Variants in ZNF469 observed in about 807,000 individuals in gnomAD.
The protein encoded by ZNF469 is zinc finger protein 469.
A neutral mutation model predicts 1.0 loss-of-function variants in ZNF469; 1 was observed. That is an observed-to-expected ratio of 1.00 (90% CI 0.35 to 4.73). The LOEUF (loss-of-function observed/expected upper bound fraction) is 4.73. Ranked by LOEUF, ZNF469 falls within the 30% of genes most tolerant of loss-of-function variation. The pLI, the probability that ZNF469 is intolerant of heterozygous loss-of-function variation, is 0.16. For missense variants in ZNF469, 6,100 were observed against 5,356.3 expected (o/e 1.14, Z -4.33); for synonymous variants, 2,703 against 2,363.4 (o/e 1.14, Z -4.17).
At chr16:88,190,551 C>T in the ZNF469 span, among the ~76,000 whole-genome samples, 1 of 152,150 alleles carries the variant, frequency 6.6e-6, no homozygotes, top group Non-Finnish European at 1.5e-5. Flanking sequence ...ACAGCCACGT[C>T]CTCACAATGC....
the ZNF469 span, among the ~76,000 whole-genome samples, chr16:88,215,034 G>A: frequency 1.2e-4 from 18 of 152,118 alleles, no homozygotes; most frequent in Non-Finnish European, 1.5e-5. Context: ...AGTTCTTTTG[G>A]TTACTGTTTG....
At chr16:88,239,408 C>T in the ZNF469 span, among the ~76,000 whole-genome samples, 2 of 151,468 alleles carry the variant, frequency 1.3e-5, no homozygotes, top group African/African-American at 2.4e-5. Flanking sequence ...AGGATTCTTT[C>T]ATCTACTGCT....
the ZNF469 span, among the ~76,000 whole-genome samples, chr16:88,151,956 T>C: frequency 1.2e-3 from 187 of 152,346 alleles, 1 homozygote; most frequent in African/African-American, 3.7e-3. This position sits in a 1 kb window ranked among gnomAD's most constrained non-coding sequence, Gnocchi z 5.4. Context: ...GTGTAAAAGA[T>C]GTTTCTGCGG....
chr16:88,391,319 T>C (rs989873302), intron 1 of ZNF469, among the ~76,000 whole-genome samples: 2 of 152,252 alleles, frequency 1.3e-5, no homozygotes, highest in African/African-American at 4.8e-5. Context: ...TGCCACCTCT[T>C]GCTTGGCAGA....
At chr16:88,289,223 G>GGGT in the ZNF469 span, among the ~76,000 whole-genome samples, 1 of 115,322 alleles carries the variant, frequency 8.7e-6, no homozygotes, top group African/African-American at 4.5e-5. Context: ...GTGATGATGA[G>GGGT]GGTGATGATG....
At chr16:88,194,171 C>T in the ZNF469 span, 5 of 152,248 alleles carry the variant, frequency 3.3e-5, no homozygotes, top group African/African-American at 9.7e-5. Flanking sequence ...TTCCTACAGA[C>T]GAGAGACTGC....
At chr16:88,380,429 TCA>T (rs1415548343), upstream of ZNF469, among the ~76,000 whole-genome samples, 3 of 103,828 alleles carry the variant, frequency 2.9e-5, no homozygotes, top group South Asian at 3.4e-4. Flanking sequence ...ACAGATGCAT[TCA>T]CACATACACA....
At position 88,435,142 on chromosome 16, in the gene ZNF469, T is replaced by C. The variant is rs1906480017; in HGVS notation, c.7672T>C (p.Ser2558Pro). Residue 2558 changes from serine to proline, a missense_variant, in exon 3 of 3, where the codon TCA becomes CCA. Physicochemically the swap from Ser to Pro is moderately conservative, Grantham distance 74 (BLOSUM62 -1). Transcript: ENST00000565624. Reference protein sequence around the residue: ...HVTQPPPAQGSKEVLRAPGSP... With the variant: ...HVTQPPPAQGPKEVLRAPGSP... ...CACCCAGCCACCGCCTGCCCAGGGC[T>C]CAAAGGAGGTTCTCAGAGCACCGGG... is the stretch of plus-strand genomic sequence containing the variant. 3 of 1,550,144 alleles carry C rather than the reference T, an allele frequency of 1.9e-6. No individual in the cohort carries two copies. Among genetic ancestry groups the C allele is most frequent in the South Asian group, 1.2e-5 (1 of 84,056 alleles).
the ZNF469 span, among the ~76,000 whole-genome samples, chr16:88,293,116 G>A: frequency 6.6e-6 from 1 of 151,914 alleles, no homozygotes; most frequent in Non-Finnish European, 1.5e-5. Flanking sequence ...GTGGATGGGT[G>A]CACGAATAGA....
chr16:88,245,709 A>G, the ZNF469 span, among the ~76,000 whole-genome samples: 4 of 152,316 alleles, frequency 2.6e-5, no homozygotes, highest in East Asian at 7.7e-4. Context: ...TCCCCGGCCT[A>G]TTTTTAGGCC....
chr16:88,188,117 T>C, the ZNF469 span, among the ~76,000 whole-genome samples: 1 of 152,036 alleles, frequency 6.6e-6, no homozygotes, highest in Non-Finnish European at 1.5e-5. Flanking sequence ...CTTTGCCACC[T>C]CTGTGCCTCT....
At chr16:88,297,672 C>A in the ZNF469 span, among the ~76,000 whole-genome samples, 8 of 152,182 alleles carry the variant, frequency 5.3e-5, no homozygotes, top group East Asian at 1.9e-4. Flanking sequence ...TCCCCACGCA[C>A]CCTCTCCTCT....
At position 88,434,000 on chromosome 16, in the gene ZNF469, A is replaced by G; in HGVS notation, c.6530A>G (p.Glu2177Gly). ...TCTCCTGCCTGGGCACCTCTGGAAG[A>G]GGCAGATGGCGTCCAAGCCACGACA... is the stretch of plus-strand genomic sequence containing the variant. The part of the protein sequence containing the change: ...ACSPAWAPLE[E>G]ADGVQATTDT... The change falls in exon 3 of 3, where the codon GAG becomes GGG. Residue 2177 changes from glutamate (E) to glycine (G), a missense_variant. Coordinates refer to ENST00000565624, the MANE Select transcript of ZNF469 (RefSeq NM_001367624.2). 4 of 1,550,222 alleles carry G rather than the reference A, an allele frequency of 2.6e-6. No homozygotes were observed. The highest frequency in any genetic ancestry group is 3.5e-6 in the Non-Finnish European group (4 of 1,146,874).
At chr16:88,187,199 G>T in the ZNF469 span, among the ~76,000 whole-genome samples, 2 of 152,040 alleles carry the variant, frequency 1.3e-5, no homozygotes, top group Non-Finnish European at 2.9e-5. Context: ...GCAGGTTGGG[G>T]ACCCTGAAGC....
the ZNF469 span, among the ~76,000 whole-genome samples, chr16:88,373,389 G>C: frequency 3.2e-3 from 480 of 152,282 alleles, 6 homozygotes; most frequent in African/African-American, 0.011. Flanking sequence ...AGCATCTCAG[G>C]ATGGGGTGTT....
chr16:88,256,023 G>T, the ZNF469 span, among the ~76,000 whole-genome samples: 1 of 152,296 alleles, frequency 6.6e-6, no homozygotes, highest in South Asian at 2.1e-4. Flanking sequence ...TTTTGATCAT[G>T]GGGAACTTTA....
the ZNF469 span, among the ~76,000 whole-genome samples, chr16:88,131,942 A>G: frequency 6.6e-6 from 1 of 152,138 alleles, no homozygotes; most frequent in Admixed American, 6.5e-5. Context: ...GCCAGCCTCT[A>G]ATGGCTCCTG....
rs991151770 is a variant in ZNF469, at chr16:88,427,825, C to T, written c.355C>T (p.Arg119Cys). 2.3e-5 allele frequency: 35 copies of T among 1,548,542 alleles called. No individual in the cohort carries two copies. In the East Asian group the frequency reaches 2.4e-4, roughly 11 times the overall value. The change falls in exon 3 of 3, where the codon CGC (arginine) becomes TGC (cysteine). Residue 119 changes from arginine (R) to cysteine (C), a missense_variant. Transcript: ENST00000565624. ...CAGGGCAGAGGGCAGCCCCCCACAGCGCTACATTCTGGGCATCGCCAGCTC... is the reference window on the plus strand; with the variant it reads ...CAGGGCAGAGGGCAGCCCCCCACAGTGCTACATTCTGGGCATCGCCAGCTC... ...AGRAEGSPPQ[R>C]YILGIASSRT...
At chr16:88,130,535 G>A in the ZNF469 span, among the ~76,000 whole-genome samples, 7 of 151,866 alleles carry the variant, frequency 4.6e-5, no homozygotes, top group African/African-American at 7.3e-5. Context: ...GTGAAACCCC[G>A]TCTCTACTAA....
Sources: allele counts gnomAD v4.1 joint callset (sites outside exome capture counted in the v4.1 genomes callset), GRCh38; gene constraint gnomAD v4.1.1; non-coding constraint Gnocchi (gnomAD v3.1); transcripts MANE v1.5; gene names NCBI Gene and HGNC (gene_info 2026-07-23, HGNC 2026-07-21).